The following TANC1 variants were observed in gnomAD, a reference collection of about 807,000 sequenced individuals.
TANC1 encodes tetratricopeptide repeat, ankyrin repeat and coiled-coil containing 1.
Under a neutral mutation model 149.7 loss-of-function variants are expected in TANC1, and 77 were observed. The ratio of observed to expected loss-of-function variants is 0.51; its 90% CI spans 0.43 to 0.62. The LOEUF (loss-of-function observed/expected upper bound fraction) is 0.62, where lower values mean the gene tolerates loss of function less well. Among genes scored for constraint, TANC1 ranks in the 20% least tolerant of loss-of-function variants. The pLI, the probability that TANC1 is intolerant of heterozygous loss-of-function variation, is 0.00. For missense variants in TANC1, 1,985 were observed against 2,321.8 expected (o/e 0.85, Z 2.98); for synonymous variants, 854 against 925.0 (o/e 0.92, Z 1.39).
chr2:159,133,355 T>G (rs1021516028), intron 4 of TANC1, among the ~76,000 whole-genome samples: 4 of 79,278 alleles, frequency 5.0e-5, no homozygotes, highest in African/African-American at 1.4e-4. Context: ...TTTTTTTTTT[T>G]TTTCTCTTTT....
rs771839660 is a variant in TANC1, at chr2:159,230,840, AAAGC to A, written c.5418_5421del (p.Lys1807AlafsTer12). The A allele has an allele frequency of 1.9e-6, 3 of 1,614,148 alleles. No homozygotes were observed. The Admixed American group carries it at 5.0e-5, about 27-fold the overall frequency. On this transcript the variant is annotated frameshift_variant, in exon 27 of 27. Transcript: ENST00000263635. LOFTEE classifies it high-confidence loss of function. The surrounding 1 kb of genome is among the most constrained non-coding windows in gnomAD (Gnocchi z 4.4). ...GGGGCACAAGTGAAGGAGCTAGAAG[AAAGC>A]AAGTGCCAAATTCCAGTCCACTCTC... is the stretch of plus-strand genomic sequence containing the variant.
chr2:159,076,933 T>C (rs2043748133), intron 3 of TANC1, among the ~76,000 whole-genome samples: 1 of 152,116 alleles, frequency 6.6e-6, no homozygotes, highest in African/African-American at 2.4e-5. Context: ...ATCCCTGAGA[T>C]AGAAGATAGA....
chr2:159,124,171 A>G (rs1030153615), intron 4 of TANC1, among the ~76,000 whole-genome samples: 1 of 152,114 alleles, frequency 6.6e-6, no homozygotes, highest in Admixed American at 6.5e-5. Flanking sequence ...CAGCCTGGCC[A>G]ACATAGTGAA....
At chr2:159,216,985 A>G (rs116091207) in intron 19 of TANC1, among the ~76,000 whole-genome samples, 3,419 of 152,346 alleles carry the variant, frequency 0.022, 54 homozygotes, top group Non-Finnish European at 0.038. Context: ...TGAGAAAAAC[A>G]AAAACAAAAC....
At chr2:159,156,469 A>G (rs1292138866) in intron 7 of TANC1, among the ~76,000 whole-genome samples, 1 of 152,218 alleles carries the variant, frequency 6.6e-6, no homozygotes, top group Non-Finnish European at 1.5e-5. Context: ...ATTGGCGCCT[A>G]CTGTGTACCA....
intron 19 of TANC1, among the ~76,000 whole-genome samples, chr2:159,209,154 C>T (rs889245992): frequency 2.0e-5 from 3 of 152,192 alleles, no homozygotes; most frequent in African/African-American, 7.2e-5. Flanking sequence ...GCAGAAGCTT[C>T]AGTTGAGGCT....
At chr2:159,023,009 A>G (rs901348494) in intron 2 of TANC1, among the ~76,000 whole-genome samples, 2 of 152,176 alleles carry the variant, frequency 1.3e-5, no homozygotes, top group African/African-American at 2.4e-5. Flanking sequence ...AAGAGGGCAC[A>G]TGGTTTCATA....
intron 1 of TANC1, among the ~76,000 whole-genome samples, chr2:158,980,128 A>C (rs1272880804): frequency 6.6e-6 from 1 of 152,198 alleles, no homozygotes; most frequent in African/African-American, 2.4e-5. Context: ...CCTGTGGTCA[A>C]ATAAGTGGGA....
intron 22 of TANC1, among the ~76,000 whole-genome samples, chr2:159,220,510 G>A (rs970583879): frequency 4.0e-5 from 6 of 151,722 alleles, no homozygotes; most frequent in Admixed American, 3.9e-4. Context: ...CACCATGTTG[G>A]CCAGGCTGGT....
At chr2:159,015,242 A>G (rs2038151811) in intron 2 of TANC1, among the ~76,000 whole-genome samples, 1 of 152,176 alleles carries the variant, frequency 6.6e-6, no homozygotes, top group African/African-American at 2.4e-5. Flanking sequence ...GCTTAACACC[A>G]TGTGGAAGCT....
chr2:159,224,298 G>C lies in TANC1; in HGVS notation c.3745G>C (p.Asp1249His). The C allele has an allele frequency of 6.2e-7, 1 of 1,614,186 alleles. No individual in the cohort carries two copies. Among genetic ancestry groups the C allele is most frequent in the Non-Finnish European group, 8.5e-7 (1 of 1,180,042 alleles). ...HVDHSGMRPL[D>H]RAIGCRNTSV... ...GGACCACAGCGGGATGCGGCCCTTG[G>C]ACAGAGCCATCGGCTGCCGGAACAC... The change falls in exon 23 of 27, where the codon GAC becomes CAC. Residue 1249 changes from aspartate (D) to histidine (H), a missense_variant. This residue lies in a region of TANC1 where 920 missense variants were observed against 994.7 expected (regional missense o/e 0.92). Transcript: ENST00000263635.
chr2:158,973,532 C>T (rs981874246), intron 1 of TANC1, among the ~76,000 whole-genome samples: 19 of 152,318 alleles, frequency 1.2e-4, no homozygotes, highest in Middle Eastern at 3.4e-3. Flanking sequence ...CCAGAATTGG[C>T]CTTTTTGATG....
At chr2:159,128,645 A>G (rs732789) in intron 4 of TANC1, among the ~76,000 whole-genome samples, 3,194 of 152,234 alleles carry the variant, frequency 0.021, 133 homozygotes, top group African/African-American at 0.071. Context: ...GCAAGAGACA[A>G]AAGCACAGGG....
chr2:159,062,029 G>A (rs1480404829), intron 2 of TANC1, among the ~76,000 whole-genome samples: 1 of 152,124 alleles, frequency 6.6e-6, no homozygotes, highest in African/African-American at 2.4e-5. Context: ...CCTGAGGTCA[G>A]GAGTTTGAGA....
chr2:159,124,644 C>G (rs1405142819), intron 4 of TANC1, among the ~76,000 whole-genome samples: 1 of 152,202 alleles, frequency 6.6e-6, no homozygotes, highest in Admixed American at 6.5e-5. Flanking sequence ...GAAGATCGAT[C>G]TTTCCTCCAG....
intron 1 of TANC1, among the ~76,000 whole-genome samples, chr2:158,977,465 C>T (rs2033823959): frequency 1.3e-5 from 2 of 152,034 alleles, no homozygotes; most frequent in South Asian, 4.2e-4. Context: ...TGTGCACCAC[C>T]ACACCTGGCT....
intron 5 of TANC1, among the ~76,000 whole-genome samples, chr2:159,146,211 A>C (rs1263439510): frequency 6.6e-6 from 1 of 152,198 alleles, no homozygotes; most frequent in African/African-American, 2.4e-5. Flanking sequence ...CAGAGTGAGA[A>C]GTTCAGTGAG....
At chr2:159,213,567 C>G (rs1266117303) in intron 19 of TANC1, among the ~76,000 whole-genome samples, 1 of 152,046 alleles carries the variant, frequency 6.6e-6, no homozygotes, top group Non-Finnish European at 1.5e-5. Context: ...TTGCATAACA[C>G]AAATATGAAT....
intron 19 of TANC1, among the ~76,000 whole-genome samples, chr2:159,202,336 G>A (rs1253824108): frequency 3.9e-5 from 6 of 152,268 alleles, no homozygotes; most frequent in South Asian, 2.1e-4. Flanking sequence ...ATTTTAAGAC[G>A]TTCATAAAAA....
Sources: gnomAD v4.1 joint callset for allele counts (sites outside exome capture counted in the v4.1 genomes callset) on GRCh38, gnomAD v4.1.1 for gene constraint, gnomAD v4.1.1 regional missense constraint, Gnocchi (gnomAD v3.1) non-coding constraint, MANE v1.5 for transcripts, NCBI Gene and HGNC (gene_info 2026-07-23, HGNC 2026-07-21) for gene names.